Variants in B3GNT7 observed in about 807,000 individuals in gnomAD.
B3GNT7 encodes the protein BGnT-7.
A neutral mutation model predicts 5.1 loss-of-function variants in B3GNT7; 9 were observed. The observed-to-expected ratio is 1.77, with a 90% CI of 1.07 to 3.09. B3GNT7 has a LOEUF of 3.09. Among genes scored for constraint, B3GNT7 ranks in the 30% most tolerant of loss-of-function variants. The pLI, the probability that B3GNT7 is intolerant of heterozygous loss-of-function variation, is 0.00. For missense variants in B3GNT7, 468 were observed against 550.8 expected (o/e 0.85, Z 1.50); for synonymous variants, 253 against 248.6 (o/e 1.02, Z -0.17).
In B3GNT7 at chr2:231,397,777, G is replaced by T. The variant is rs772021983; in HGVS notation, c.58G>T (p.Val20Leu). 2 of 1,613,734 alleles carry T rather than the reference G, an allele frequency of 1.2e-6. No individual in the cohort carries two copies. The highest frequency in any genetic ancestry group is 1.7e-6 in the Non-Finnish European group (2 of 1,179,874). ...RSLCLALALLVAVTVFQRSLT... is the reference protein window; with the variant it reads ...RSLCLALALLLAVTVFQRSLT... ...TCTGTGCCTGGCCCTGGCCCTGCTC[G>T]TGGCCGTGACGGTGTTCCAACGCAG... Residue 20 changes from valine (V) to leucine (L), a missense_variant, in exon 2 of 2, where the codon GTG becomes TTG. Transcript: ENST00000287590.
At position 231,398,848 on chromosome 2, in the gene B3GNT7, C is replaced by T. The variant is rs1270465062; in HGVS notation, c.1129C>T (p.Leu377=). ...CGCCATGCTCGTGGTGCACAAGCTGCTGCCCCCTGAGCTGCTCGCCATGTG... is the reference window on the plus strand; with the variant it reads ...CGCCATGCTCGTGGTGCACAAGCTGTTGCCCCCTGAGCTGCTCGCCATGTG... ...FRAMLVVHKL[L]PPELLAMWGL... The change falls in exon 2 of 2, where the codon CTG becomes TTG. Residue 377 remains leucine, a synonymous_variant. Transcript: ENST00000287590. 6.2e-7 allele frequency: 1 copy of T among 1,601,110 alleles called. No individual in the cohort carries two copies. Among genetic ancestry groups the T allele is most frequent in the South Asian group, 1.1e-5 (1 of 90,956 alleles).
In B3GNT7 at chr2:231,399,162, C is replaced by T. The variant is rs997127127; in HGVS notation, c.*237C>T. 3.5e-5 allele frequency: 19 copies of T among 544,166 alleles called. No homozygotes were observed. The highest frequency in any genetic ancestry group is 3.0e-4 in the African/African-American group (16 of 52,934). The allele number at this position is 544,166 out of a possible 1,614,324, so 33.7% of individuals were successfully genotyped here. A position where few individuals can be genotyped will look rare whatever the true frequency, so the allele number is the denominator to read the frequency against. ...TGGAGCTGCCCAGTCTGGAGGCCCT[C>T]TCTGAGGAGCGAGGCGCCAGGCCCT... On this transcript the variant is annotated 3_prime_UTR_variant, in exon 2 of 2. Coordinates refer to ENST00000287590, the MANE Select transcript of B3GNT7 (RefSeq NM_145236.3).
chr2:231,395,868 T>C lies in B3GNT7; in HGVS notation c.11+54T>C. On this transcript the variant is annotated intron_variant, in intron 1 of 1. Transcript: ENST00000287590. This position sits in a 1 kb window ranked among gnomAD's most constrained non-coding sequence, Gnocchi z 7.3. ...CTGGGCGGGGGCGTGGGCCCGGGGC[T>C]CCCCCTCCTCCGTGGCCACAGACGG... The C allele has an allele frequency of 9.1e-7, 1 of 1,100,034 alleles. No individual in the cohort carries two copies. Among genetic ancestry groups the C allele is most frequent in the Non-Finnish European group, 1.1e-6 (1 of 889,150 alleles). 68.1% of individuals were successfully genotyped at this position (1,100,034 alleles called of 1,614,324 possible). A position where few individuals can be genotyped will look rare whatever the true frequency, so the allele number is the denominator to read the frequency against.
At position 231,397,890 on chromosome 2, in the gene B3GNT7, C is replaced by A. The variant is rs2046528462; in HGVS notation, c.171C>A (p.Asn57Lys). Residue 57 changes from asparagine (N) to lysine (K), a missense_variant, in exon 2 of 2, where the codon AAC becomes AAA. Transcript: ENST00000287590. ...KAQKPNGQLV[N>K]PNNFWKNPKD... Reference sequence around the variant, plus strand: ...AGAAGCCAAATGGACAGCTGGTGAACCCCAACAACTTCTGGAAGAACCCGA... The same window carrying A: ...AGAAGCCAAATGGACAGCTGGTGAAACCCAACAACTTCTGGAAGAACCCGA... The A allele has an allele frequency of 6.2e-7, 1 of 1,613,740 alleles. No homozygotes were observed. The highest frequency in any genetic ancestry group is 8.5e-7 in the Non-Finnish European group (1 of 1,179,890).
chr2:231,398,376 G>A lies in B3GNT7; in HGVS notation c.657G>A (p.Glu219=). Residue 219 remains glutamate (E), a synonymous_variant, in exon 2 of 2, where the codon GAG becomes GAA. Transcript: ENST00000287590. The part of the protein sequence containing the change: ...LDTFFNLTLK[E]IHFLKWLDIY... ...CCTTCTTCAACCTGACCCTCAAGGA[G>A]ATCCACTTCCTCAAGTGGCTGGACA... is the stretch of plus-strand genomic sequence containing the variant. 1 of 1,613,704 alleles carries A rather than the reference G, an allele frequency of 6.2e-7. No individual in the cohort carries two copies. The highest frequency in any genetic ancestry group is 8.5e-7 in the Non-Finnish European group (1 of 1,179,898).
chr2:231,397,414 A>G (rs1322867914), intron 1 of B3GNT7: 6 of 387,770 alleles, frequency 1.5e-5, no homozygotes, highest in Non-Finnish European at 2.4e-5. Context: ...TTTATATAGC[A>G]CTCCAATCCT....
rs1260896212 is a variant in B3GNT7 at position 231,398,850 on chromosome 2, G to T, written c.1131G>T (p.Leu377=). The T allele has an allele frequency of 6.2e-7, 1 of 1,600,702 alleles. No individual in the cohort carries two copies. Among genetic ancestry groups the T allele is most frequent in the Non-Finnish European group, 8.5e-7 (1 of 1,179,568 alleles). ...CCATGCTCGTGGTGCACAAGCTGCT[G>T]CCCCCTGAGCTGCTCGCCATGTGGG... ...FRAMLVVHKL[L]PPELLAMWGL... The change falls in exon 2 of 2, where the codon CTG becomes CTT. Residue 377 remains leucine (L), a synonymous_variant. Coordinates refer to ENST00000287590, the MANE Select transcript of B3GNT7 (RefSeq NM_145236.3).
rs2046508355 is a variant in B3GNT7, at chr2:231,395,848, C to A, written c.11+34C>A. ...GGCTGGGGGCCGTCGGGGGCCTGGGCGGGGGCGTGGGCCCGGGGCTCCCCC... is the reference window on the plus strand; with the variant it reads ...GGCTGGGGGCCGTCGGGGGCCTGGGAGGGGGCGTGGGCCCGGGGCTCCCCC... On this transcript the variant is annotated intron_variant, in intron 1 of 1. Coordinates refer to ENST00000287590, the MANE Select transcript of B3GNT7 (RefSeq NM_145236.3). The surrounding 1 kb of genome is among the most constrained non-coding windows in gnomAD (Gnocchi z 7.3). The A allele has an allele frequency of 1.8e-6, 2 of 1,118,182 alleles. No homozygotes were observed. Among genetic ancestry groups the A allele is most frequent in the African/African-American group, 1.7e-5 (1 of 60,292 alleles). The allele number at this position is 1,118,182 out of a possible 1,614,324, so 69.3% of individuals were successfully genotyped here.
intron 1 of B3GNT7, among the ~76,000 whole-genome samples, chr2:231,396,113 C>T (rs560897775): frequency 6.6e-6 from 1 of 152,024 alleles, no homozygotes; most frequent in Non-Finnish European, 1.5e-5. Flanking sequence ...GGCTGGGACC[C>T]CAGGTCTTGC....
In B3GNT7 at chr2:231,399,181, A is replaced by G. The variant is rs1208167261; in HGVS notation, c.*256A>G. ...GGCCCTCTCTGAGGAGCGAGGCGCC[A>G]GGCCCTGGCAGCCCTCCTGACCTGG... On this transcript the variant is annotated 3_prime_UTR_variant, in exon 2 of 2. Coordinates refer to ENST00000287590, the MANE Select transcript of B3GNT7 (RefSeq NM_145236.3). 3 of 515,596 alleles carry G rather than the reference A, an allele frequency of 5.8e-6. No homozygotes were observed. Among genetic ancestry groups the G allele is most frequent in the African/African-American group, 1.9e-5 (1 of 52,340 alleles). 31.9% of individuals were successfully genotyped at this position (515,596 alleles called of 1,614,324 possible).
At position 231,395,915 on chromosome 2, in the gene B3GNT7, G is replaced by A; in HGVS notation, c.11+101G>A. On this transcript the variant is annotated intron_variant, in intron 1 of 1. Transcript: ENST00000287590. The surrounding 1 kb of genome is among the most constrained non-coding windows in gnomAD (Gnocchi z 7.3). ...ACGGGCGCCGGGACTCCCGGGATAG[G>A]AGATGCCCCCGCGCGCGCCGCGCCG... The A allele has an allele frequency of 2.5e-6, 2 of 810,412 alleles. No homozygotes were observed. The highest frequency in any genetic ancestry group is 3.2e-6 in the Non-Finnish European group (2 of 631,760). The allele number at this position is 810,412 out of a possible 1,614,324, so 50.2% of individuals were successfully genotyped here.
chr2:231,395,731 G>T lies in B3GNT7; in HGVS notation c.-73G>T, dbSNP rs1575236468. 8.7e-7 allele frequency: 1 copy of T among 1,144,718 alleles called. No homozygotes were observed. The highest frequency in any genetic ancestry group is 4.0e-5 in the South Asian group (1 of 24,862). The allele number at this position is 1,144,718 out of a possible 1,614,324, so 70.9% of individuals were successfully genotyped here. On this transcript the variant is annotated 5_prime_UTR_variant, in exon 1 of 2. Transcript: ENST00000287590. This position sits in a 1 kb window ranked among gnomAD's most constrained non-coding sequence, Gnocchi z 7.3. The stretch of plus-strand genomic sequence containing the variant: ...CGGTCTCCGTCCCCACCCGCCCGCC[G>T]TCCCGCCGGCCCGAGCCGTGGCGCC...
chr2:231,398,402 T>C lies in B3GNT7; in HGVS notation c.683T>C (p.Ile228Thr). The change falls in exon 2 of 2, where the codon ATC (isoleucine) becomes ACC (threonine). Residue 228 changes from isoleucine (I) to threonine (T), a missense_variant. Ile to Thr is a moderately conservative substitution (Grantham distance 89). Coordinates refer to ENST00000287590, the MANE Select transcript of B3GNT7 (RefSeq NM_145236.3). ...ATCCACTTCCTCAAGTGGCTGGACA[T>C]CTACTGCCCCCACGTCCCCTTCATT... ...KEIHFLKWLD[I>T]YCPHVPFIFK... The C allele has an allele frequency of 3.1e-6, 5 of 1,613,696 alleles. No individual in the cohort carries two copies. Among genetic ancestry groups the C allele is most frequent in the Non-Finnish European group, 4.2e-6 (5 of 1,179,854 alleles).
rs1479665509 is a variant in B3GNT7 at position 231,398,690 on chromosome 2, C to T, written c.971C>T (p.Pro324Leu). 4 of 1,611,892 alleles carry T rather than the reference C, an allele frequency of 2.5e-6. No individual in the cohort carries two copies. The highest frequency in any genetic ancestry group is 2.2e-5 in the East Asian group (1 of 44,888). The change falls in exon 2 of 2, where the codon CCG becomes CTG. Residue 324 changes from proline to leucine, a missense_variant. Pro to Leu is a moderately conservative substitution (Grantham distance 98, BLOSUM62 -3). Coordinates refer to ENST00000287590, the MANE Select transcript of B3GNT7 (RefSeq NM_145236.3). ...HHACDTLELY[P>L]IDDVFLGMCL... ...GCCTGCGACACCCTGGAGCTCTACC[C>T]GATCGACGACGTCTTTCTGGGCATG... is the stretch of plus-strand genomic sequence containing the variant.
Position 231,395,710 on chromosome 2 carries a change from C to G in B3GNT7, c.-94C>G, listed in dbSNP as rs1397014428. On this transcript the variant is annotated 5_prime_UTR_variant, in exon 1 of 2. Transcript: ENST00000287590. This position sits in a 1 kb window ranked among gnomAD's most constrained non-coding sequence, Gnocchi z 7.3. ...AGTCGCGGCGGGGGCGCGGCCCGGT[C>G]TCCGTCCCCACCCGCCCGCCGTCCC... is the stretch of plus-strand genomic sequence containing the variant. 3.6e-6 allele frequency: 4 copies of G among 1,116,058 alleles called. No individual in the cohort carries two copies. In the African/African-American group the frequency reaches 5.0e-5, roughly 14 times the overall value. The allele number at this position is 1,116,058 out of a possible 1,614,324, so 69.1% of individuals were successfully genotyped here.
In B3GNT7 at chr2:231,399,244, T is replaced by G; in HGVS notation, c.*319T>G. 2.6e-6 allele frequency: 1 copy of G among 384,358 alleles called. No homozygotes were observed. The highest frequency in any genetic ancestry group is 4.8e-6 in the Non-Finnish European group (1 of 210,256). 23.8% of individuals were successfully genotyped at this position (384,358 alleles called of 1,614,324 possible). A position where few individuals can be genotyped will look rare whatever the true frequency, so the allele number is the denominator to read the frequency against. ...CCCCCTCAGATGTGGTGGGAGGTCC[T>G]GGTGACCTCTGGAGGAACGCTGTGC... On this transcript the variant is annotated 3_prime_UTR_variant, in exon 2 of 2. Transcript: ENST00000287590.
At position 231,399,112 on chromosome 2, in the gene B3GNT7, T is replaced by A; in HGVS notation, c.*187T>A. On this transcript the variant is annotated 3_prime_UTR_variant, in exon 2 of 2. Transcript: ENST00000287590. The stretch of plus-strand genomic sequence containing the variant: ...AGGGACCTCCCTGTGTGGATAATTC[T>A]AGGAAACTGAGGCCCAGGAACGGTT... 1 of 606,624 alleles carries A rather than the reference T, an allele frequency of 1.6e-6. No homozygotes were observed. The highest frequency in any genetic ancestry group is 2.9e-6 in the Non-Finnish European group (1 of 347,582). 37.6% of individuals were successfully genotyped at this position (606,624 alleles called of 1,614,324 possible).
chr2:231,397,774 C>G lies in B3GNT7; in HGVS notation c.55C>G (p.Leu19Val). 1 of 1,613,736 alleles carries G rather than the reference C, an allele frequency of 6.2e-7. No homozygotes were observed. The change falls in exon 2 of 2, where the codon CTC becomes GTC. Residue 19 changes from leucine to valine, a missense_variant. Transcript: ENST00000287590. ...YRSLCLALAL[L>V]VAVTVFQRSL... ...GAGTCTGTGCCTGGCCCTGGCCCTG[C>G]TCGTGGCCGTGACGGTGTTCCAACG...
rs756278216 is a variant in B3GNT7 at position 231,398,622 on chromosome 2, T to TGGCTTCCTCATGGCCGGCAGC, written c.904_924dup (p.Gly302_Ser308dup). 1.5e-5 allele frequency: 24 copies of TGGCTTCCTCATGGCCGGCAGC among 1,612,248 alleles called. No homozygotes were observed. The highest frequency in any genetic ancestry group is 2.0e-5 in the Non-Finnish European group (24 of 1,179,648). The stretch of plus-strand genomic sequence containing the variant: ...GCTATCCGCCGTATGCAGGCGGCGG[T>TGGCTTCCTCATGGCCGGCAGC]GGCTTCCTCATGGCCGGCAGCCTGG... On this transcript the variant is annotated inframe_insertion, in exon 2 of 2. Transcript: ENST00000287590.
Sources: allele counts gnomAD v4.1 joint callset (sites outside exome capture counted in the v4.1 genomes callset), GRCh38; gene constraint gnomAD v4.1.1; non-coding constraint Gnocchi (gnomAD v3.1); transcripts MANE v1.5; gene names NCBI Gene and HGNC (gene_info 2026-07-23, HGNC 2026-07-21).